RARB: variants seen among roughly 807,000 people sequenced by gnomAD.
The protein encoded by RARB is retinoic acid receptor beta.
A neutral mutation model predicts 51.9 loss-of-function variants in RARB; 17 were observed. That is an observed-to-expected ratio of 0.33 (90% CI 0.22 to 0.49). RARB has a LOEUF of 0.49. Ranked by LOEUF, RARB falls within the 20% of genes least tolerant of loss-of-function variation. The pLI is 0.99. For missense variants in RARB, 369 were observed against 550.8 expected, an observed-to-expected ratio of 0.67 and a Z score of 3.30; for synonymous variants, 215 against 195.4, an observed-to-expected ratio of 1.10 and a Z score of -0.84.
intron 5 of RARB, among the ~76,000 whole-genome samples, chr3:25,261,486 G>A (rs1378307992): frequency 6.6e-6 from 1 of 152,042 alleles, no homozygotes; most frequent in African/African-American, 2.4e-5. Flanking sequence ...ATTCTGGAGT[G>A]ATATAATTCA....
At chr3:25,017,221 C>T (rs1448824891) in intron 2 of RARB, among the ~76,000 whole-genome samples, 1 of 141,930 alleles carries the variant, frequency 7.0e-6, no homozygotes, top group Non-Finnish European at 1.5e-5. Flanking sequence ...TTCCCCCCCC[C>T]TTTCAGAACC....
At chr3:25,029,701 T>C (rs576364414) in intron 2 of RARB, among the ~76,000 whole-genome samples, 1 of 152,132 alleles carries the variant, frequency 6.6e-6, no homozygotes, top group East Asian at 1.9e-4. Context: ...AGGTAATCCT[T>C]TGAGAGGTGT....
chr3:25,339,148 G>T (rs369599809), intron 5 of RARB, among the ~76,000 whole-genome samples: 1 of 152,320 alleles, frequency 6.6e-6, no homozygotes, highest in African/African-American at 2.4e-5. Flanking sequence ...CCTTAAAGGA[G>T]AAGTCTCCCA....
Position 25,548,555 on chromosome 3 carries a change from T to G in RARB, c.449-21203T>G, listed in dbSNP as rs566761650. ...CCATTTCTTTAAATGTGATGCACAT[T>G]CCAAGTCTTTGCCTGCATTATAGAG... is the stretch of plus-strand genomic sequence containing the variant. On this transcript the variant is annotated intron_variant, in intron 3 of 7. Transcript: ENST00000330688. Among the ~76,000 whole-genome samples the G allele has an allele frequency of 4.0e-5, 6 of 150,028 alleles. No individual in the cohort carries two copies. In the South Asian group the frequency reaches 1.3e-3, roughly 32 times the overall value.
chr3:25,273,293 T>C (rs778453101), intron 5 of RARB, among the ~76,000 whole-genome samples: 1 of 152,246 alleles, frequency 6.6e-6, no homozygotes, highest in Admixed American at 6.5e-5. Flanking sequence ...TGCTTTCTTT[T>C]ACATCTCAAG....
At chr3:25,139,892 A>G (rs537079665) in intron 4 of RARB, among the ~76,000 whole-genome samples, 3 of 152,296 alleles carry the variant, frequency 2.0e-5, no homozygotes, top group African/African-American at 7.2e-5. Context: ...ATAATTATGC[A>G]AACTTTACTG....
chr3:24,998,027 A>C (rs1406583835), intron 2 of RARB, among the ~76,000 whole-genome samples: 3 of 152,154 alleles, frequency 2.0e-5, no homozygotes, highest in African/African-American at 7.2e-5. Flanking sequence ...TGTCCAACTC[A>C]GTGTAGTTAC....
intron 5 of RARB, among the ~76,000 whole-genome samples, chr3:25,397,675 G>A (rs1707152776): frequency 6.6e-6 from 1 of 152,124 alleles, no homozygotes; most frequent in Admixed American, 6.5e-5. Context: ...TCTGTTCCAA[G>A]CATACATATA....
chr3:25,013,115 A>C (rs1697432830), intron 2 of RARB, among the ~76,000 whole-genome samples: 1 of 152,100 alleles, frequency 6.6e-6, no homozygotes, highest in African/African-American at 2.4e-5. Context: ...GTTCTAGTCC[A>C]TTTGAATCAA....
At chr3:25,157,258 G>T (rs755643244) in intron 4 of RARB, among the ~76,000 whole-genome samples, 7 of 151,928 alleles carry the variant, frequency 4.6e-5, no homozygotes, top group Non-Finnish European at 7.4e-5. Context: ...TATTTTCATG[G>T]AGTCAACAAT....
chr3:25,047,533 C>T (rs1698241625), intron 2 of RARB, among the ~76,000 whole-genome samples: 1 of 152,166 alleles, frequency 6.6e-6, no homozygotes, highest in East Asian at 1.9e-4. Context: ...TGTCAAGGAA[C>T]ACGGTGTTGC....
chr3:24,961,321 A>G (rs573027069), intron 2 of RARB, among the ~76,000 whole-genome samples: 2 of 152,342 alleles, frequency 1.3e-5, no homozygotes, highest in South Asian at 4.1e-4. Flanking sequence ...AAGAATAAAT[A>G]TGCAAATATT....
intron 2 of RARB, among the ~76,000 whole-genome samples, chr3:25,466,881 A>C (rs1695455249): frequency 6.6e-6 from 1 of 152,212 alleles, no homozygotes; most frequent in African/African-American, 2.4e-5. Flanking sequence ...AGTGGACCAG[A>C]TTTGGCCCTT....
chr3:25,216,674 T>G (rs1004893861), intron 5 of RARB, among the ~76,000 whole-genome samples: 1 of 150,990 alleles, frequency 6.6e-6, no homozygotes, highest in Admixed American at 6.6e-5. Flanking sequence ...TTGCAACAAA[T>G]CTGCACATTC....
At chr3:25,305,112 C>G (rs139564269) in intron 5 of RARB, among the ~76,000 whole-genome samples, 27 of 152,274 alleles carry the variant, frequency 1.8e-4, no homozygotes, top group Non-Finnish European at 3.2e-4. Flanking sequence ...ACTGCCCCCT[C>G]CTGCCTCTGG....
chr3:25,232,631 T>C (rs1702205393), intron 5 of RARB, among the ~76,000 whole-genome samples: 1 of 152,186 alleles, frequency 6.6e-6, no homozygotes, highest in Non-Finnish European at 1.5e-5. Context: ...TTATAAATGG[T>C]ACTTTTTAAA....
intron 2 of RARB, among the ~76,000 whole-genome samples, chr3:24,919,425 G>C (rs998895859): frequency 6.6e-6 from 1 of 152,132 alleles, no homozygotes; most frequent in African/African-American, 2.4e-5. Context: ...ATCGAGTTTT[G>C]GCTAATCAAA....
intron 2 of RARB, among the ~76,000 whole-genome samples, chr3:24,928,713 C>T (rs1559399797): frequency 6.6e-6 from 1 of 151,986 alleles, no homozygotes; most frequent in Non-Finnish European, 1.5e-5. Context: ...CAGACAGATA[C>T]TTGGGGATAA....
chr3:25,392,291 G>GCCT (rs1706987073), intron 5 of RARB, among the ~76,000 whole-genome samples: 2 of 152,070 alleles, frequency 1.3e-5, no homozygotes, highest in African/African-American at 2.4e-5. Context: ...GATGACCATA[G>GCCT]CCTTATAGTA....
Sources: allele counts gnomAD v4.1 joint callset (sites outside exome capture counted in the v4.1 genomes callset), GRCh38; gene constraint gnomAD v4.1.1; transcripts MANE v1.5; gene names NCBI Gene and HGNC (gene_info 2026-07-23, HGNC 2026-07-21).